Variants in DCST2 observed in about 807,000 individuals in gnomAD.
The protein encoded by DCST2 is DC-STAMP domain-containing protein 2.
A neutral mutation model predicts 81.8 loss-of-function variants in DCST2; 64 were observed. That is an observed-to-expected ratio of 0.78 (90% CI 0.64 to 0.96). The LOEUF is 0.96. Among genes scored for constraint, DCST2 ranks in the 40% least tolerant of loss-of-function variants. The pLI is 0.00. For missense variants in DCST2, 945 were observed against 1,001.4 expected, an observed-to-expected ratio of 0.94 and a Z score of 0.76; for synonymous variants, 354 against 402.6, an observed-to-expected ratio of 0.88 and a Z score of 1.44.
At chr1:155,033,365 C>A in intron 1 of DCST2, 69 bp downstream of exon 1, 1 of 1,590,802 alleles carries the variant, frequency 6.3e-7, no homozygotes, top group Non-Finnish European at 8.6e-7. Flanking sequence ...CCCTGCCTCT[C>A]CTCCAGCATC....
At chr1:155,021,127 G>A (rs1281908432) in intron 14 of DCST2, among the ~76,000 whole-genome samples, 1 of 151,954 alleles carries the variant, frequency 6.6e-6, no homozygotes, top group Non-Finnish European at 1.5e-5. Flanking sequence ...AGCCTCCTGA[G>A]TAGCTGGGAC....
In DCST2 at chr1:155,026,291, G is replaced by A. The variant is rs577576354; in HGVS notation, c.1611+11C>T. 5.9e-5 allele frequency: 95 copies of A among 1,613,360 alleles called. 2 individuals are homozygous for A. In the South Asian group the frequency reaches 9.4e-4, roughly 16 times the overall value. Reference sequence around the variant, plus strand: ...GGGGCAGGGACTAGCTCCCAGCCCCGGACCCCTCACCTGCTCCCGGGATGG... The same window carrying A: ...GGGGCAGGGACTAGCTCCCAGCCCCAGACCCCTCACCTGCTCCCGGGATGG... On this transcript the variant is annotated intron_variant, in intron 10 of 14. Coordinates refer to ENST00000368424, the MANE Select transcript of DCST2 (RefSeq NM_144622.3).
chr1:155,031,519 A>G (rs1252452327), intron 4 of DCST2, 55 bp downstream of exon 4: 6 of 420,102 alleles, frequency 1.4e-5, no homozygotes, highest in African/African-American at 1.3e-4. Context: ...CCACATTCCC[A>G]CCCCACCCCA....
chr1:155,031,327 G>T, intron 4 of DCST2, 93 bp from the exon 5 acceptor site: 1 of 1,337,272 alleles, frequency 7.5e-7, no homozygotes, highest in Non-Finnish European at 1.0e-6. Flanking sequence ...GCCTCTTTTC[G>T]ATTTTCCTAT....
At chr1:155,024,016 A>C (rs959830100) in intron 11 of DCST2, 57 bp from the exon 12 acceptor site, 1 of 1,563,646 alleles carries the variant, frequency 6.4e-7, no homozygotes, top group Non-Finnish European at 8.7e-7. Context: ...AACCCTCCCC[A>C]CTCCAGCACC....
chr1:155,026,163 C>T (rs961020480), intron 10 of DCST2, 139 bp downstream of exon 10: 3 of 759,014 alleles, frequency 4.0e-6, no homozygotes, highest in Non-Finnish European at 6.4e-6. Flanking sequence ...CAGTCCAGGT[C>T]ATTTGCTTTG....
At position 155,033,638 on chromosome 1, in the gene DCST2, C is replaced by T. The variant is rs1407512243; in HGVS notation, c.64G>A (p.Ala22Thr). 1.9e-6 allele frequency: 3 copies of T among 1,614,098 alleles called. No individual in the cohort carries two copies. Among genetic ancestry groups the T allele is most frequent in the Non-Finnish European group, 2.5e-6 (3 of 1,180,038 alleles). ...AAACCTCCCACGCTGCGAACCACAG[C>T]TCTCGCCATGCTAGGCTCCTCTCCC... ...LGGEEPSMAR[A>T]VVRSVGGFTL... Residue 22 changes from alanine to threonine, a missense_variant, in exon 1 of 15, where the codon GCT becomes ACT. Transcript: ENST00000368424.
rs1659824453 is a variant in DCST2, at chr1:155,023,908, G to A, written c.1794C>T (p.Tyr598=). Reference sequence around the variant, plus strand: ...CCTGGGGCTGCCCACAGCCCAGGCAGTAGGCCTGATGCAGCCAAAAGTGGC... The same window carrying A: ...CCTGGGGCTGCCCACAGCCCAGGCAATAGGCCTGATGCAGCCAAAAGTGGC... ...FVSHFWLHQA[Y]CLGCGQPQDE... is the part of the protein sequence containing the mutation. Residue 598 remains tyrosine, a synonymous_variant, in exon 12 of 15, where the codon TAC becomes TAT. Coordinates refer to ENST00000368424, the MANE Select transcript of DCST2 (RefSeq NM_144622.3). 3 of 1,613,708 alleles carry A rather than the reference G, an allele frequency of 1.9e-6. No individual in the cohort carries two copies. The East Asian group carries it at 6.7e-5, about 36-fold the overall frequency.
chr1:155,030,932 G>C, intron 5 of DCST2: 1 of 612,252 alleles, frequency 1.6e-6, no homozygotes. Flanking sequence ...AGGAGGCCCT[G>C]GTTCTGTTCC....
chr1:155,033,351 T>C, intron 1 of DCST2, 83 bp downstream of exon 1: 1 of 1,586,068 alleles, frequency 6.3e-7, no homozygotes, highest in Non-Finnish European at 8.6e-7. Flanking sequence ...ATATTTCCCT[T>C]AACCCCTGCC....
At chr1:155,027,447 C>G (rs1261320323) in intron 8 of DCST2, among the ~76,000 whole-genome samples, 1 of 147,176 alleles carries the variant, frequency 6.8e-6, no homozygotes, top group African/African-American at 2.5e-5. Flanking sequence ...AGTAAGACCC[C>G]CAGAAACATT....
At position 155,029,395 on chromosome 1, in the gene DCST2, A is replaced by T; in HGVS notation, c.1180T>A (p.Ser394Thr). The change falls in exon 8 of 15, where the codon TCC (serine) becomes ACC (threonine). Residue 394 changes from serine (S) to threonine (T), a missense_variant and splice_region_variant. Transcript: ENST00000368424. ...HEARRYIPPG[S>T]IFLSQWEKFF... ...TTCTCCCATTGGGACAAGAAGATGG[A>T]GCCTGAGCAGGAGTGGGATGGTCAG... 2 of 1,613,702 alleles carry T rather than the reference A, an allele frequency of 1.2e-6. No homozygotes were observed. Among genetic ancestry groups the T allele is most frequent in the Non-Finnish European group, 1.7e-6 (2 of 1,179,770 alleles).
rs1206463083 is a variant in DCST2, at chr1:155,022,995, C to T, written c.2105+122G>A. The T allele has an allele frequency of 6.2e-6, 9 of 1,442,106 alleles. No homozygotes were observed. The African/African-American group carries it at 1.3e-4, about 20-fold the overall frequency. 89.3% of individuals were successfully genotyped at this position (1,442,106 alleles called of 1,614,324 possible). ...GCTTGGCAAACCTCAGTTACTTCCC[C>T]TCCCCTCATGTCTGTTTCAAGCCCT... On this transcript the variant is annotated intron_variant, in intron 14 of 14. Transcript: ENST00000368424.
At position 155,033,475 on chromosome 1, in the gene DCST2, A is replaced by C. The variant is rs1031318872; in HGVS notation, c.227T>G (p.Val76Gly). 6 of 1,613,846 alleles carry C rather than the reference A, an allele frequency of 3.7e-6. No homozygotes were observed. Among genetic ancestry groups the C allele is most frequent in the Non-Finnish European group, 5.1e-6 (6 of 1,179,912 alleles). ...LSLGMGFSRQ[V>G]RATVLLLLPQ... ...CAGCAGCAGGAGGACAGTGGCTCGG[A>C]CCTGGCGAGAGAATCCCATGCCCAG... Residue 76 changes from valine (V) to glycine (G), a missense_variant, in exon 1 of 15, where the codon GTC becomes GGC. Physicochemically the swap from Val to Gly is moderately radical, Grantham distance 109. Coordinates refer to ENST00000368424, the MANE Select transcript of DCST2 (RefSeq NM_144622.3).
In DCST2 at chr1:155,026,541, T is replaced by C. The variant is rs1336000476; in HGVS notation, c.1510+7A>G. ...CGCCCCCAGGGACCTCAGGGTGTAG[T>C]TGATACCAATGACTATGTAGCCAGT... On this transcript the variant is annotated splice_region_variant and intron_variant, in intron 9 of 14. Coordinates refer to ENST00000368424, the MANE Select transcript of DCST2 (RefSeq NM_144622.3). The C allele has an allele frequency of 6.2e-7, 1 of 1,614,068 alleles. No homozygotes were observed. Among genetic ancestry groups the C allele is most frequent in the Admixed American group, 1.7e-5 (1 of 60,018 alleles).
At chr1:155,022,051 G>C (rs1486967079) in intron 14 of DCST2, among the ~76,000 whole-genome samples, 1 of 152,010 alleles carries the variant, frequency 6.6e-6, no homozygotes, top group African/African-American at 2.4e-5. Context: ...ATTTTTAGTA[G>C]AGATGGGGTT....
chr1:155,018,648 C>T lies in DCST2; in HGVS notation c.2218G>A (p.Glu740Lys). 6.2e-7 allele frequency: 1 copy of T among 1,613,858 alleles called. No individual in the cohort carries two copies. Among genetic ancestry groups the T allele is most frequent in the Non-Finnish European group, 8.5e-7 (1 of 1,179,882 alleles). The change falls in exon 15 of 15, where the codon GAG (glutamate) becomes AAG (lysine). Residue 740 changes from glutamate (E) to lysine (K), a missense_variant. Physicochemically the swap from Glu to Lys is moderately conservative, Grantham distance 56. Transcript: ENST00000368424. Reference sequence around the variant, plus strand: ...GCTCCTTTAGTGGCGGAGGATGTCTCAGGTGGTCTGTGGGGCTCAGGGCTG... The same window carrying T: ...GCTCCTTTAGTGGCGGAGGATGTCTTAGGTGGTCTGTGGGGCTCAGGGCTG... Reference protein sequence around the residue: ...LTSPEPHRPPETSSATKGAPT... With the variant: ...LTSPEPHRPPKTSSATKGAPT...
rs778624170 is a variant in DCST2, at chr1:155,026,414, G to A, written c.1511-12C>T. 6.2e-7 allele frequency: 1 copy of A among 1,613,490 alleles called. No homozygotes were observed. The highest frequency in any genetic ancestry group is 8.5e-7 in the Non-Finnish European group (1 of 1,179,952). ...GCCATACATGACGCCTGGGAGCACA[G>A]CAGCCACAGTCAGCCTCACCAGCAG... On this transcript the variant is annotated splice_polypyrimidine_tract_variant and intron_variant, in intron 9 of 14. Coordinates refer to ENST00000368424, the MANE Select transcript of DCST2 (RefSeq NM_144622.3).
At chr1:155,026,814 G>A (rs1659925714) in intron 8 of DCST2, 99 bp from the exon 9 acceptor site, 1 of 1,444,860 alleles carries the variant, frequency 6.9e-7, no homozygotes, top group Non-Finnish European at 9.5e-7. Context: ...GCAGGTCATA[G>A]GATGACTCAG....
Sources: allele counts gnomAD v4.1 joint callset (sites outside exome capture counted in the v4.1 genomes callset), GRCh38; gene constraint gnomAD v4.1.1; transcripts MANE v1.5; gene names NCBI Gene and HGNC (gene_info 2026-07-23, HGNC 2026-07-21).